The following MEAF6 variants were observed in gnomAD, a reference collection of about 807,000 sequenced individuals.
The protein encoded by MEAF6 is MYST/Esa1 associated factor 6.
MEAF6 carries 15 observed loss-of-function variants against 28.9 expected under a neutral mutation model. That is an observed-to-expected ratio of 0.52 (90% CI 0.35 to 0.80). MEAF6 has a LOEUF of 0.80. Ranked by LOEUF, MEAF6 falls within the 30% of genes least tolerant of loss-of-function variation. The probability of loss-of-function intolerance (pLI) is 0.01; values close to 1 mark genes in which losing one functional copy is unlikely to be tolerated. For missense variants in MEAF6, 178 were observed against 237.5 expected (o/e 0.75, Z 1.65); for synonymous variants, 97 against 88.7 (o/e 1.09, Z -0.53).
chr1:37,500,746 C>G (rs1311463381), intron 5 of MEAF6, among the ~76,000 whole-genome samples: 1 of 152,166 alleles, frequency 6.6e-6, no homozygotes, highest in Non-Finnish European at 1.5e-5. Flanking sequence ...ATGAAGCTAA[C>G]AAGTTTAATA....
In MEAF6 at chr1:37,490,137, GC is replaced by G. The variant is rs1641878532; in HGVS notation, c.*3961del. On this transcript the variant is annotated 3_prime_UTR_variant, in exon 7 of 7. Transcript: ENST00000296214. ...GCCTCAAAATGAATATAAATCAAAG[GC>G]CTAATCTTTTCTTCCCACCCCCACC... Among the ~76,000 whole-genome samples the G allele has an allele frequency of 6.6e-6, 1 of 151,768 alleles. No homozygotes were observed. Among genetic ancestry groups the G allele is most frequent in the African/African-American group, 2.4e-5 (1 of 41,260 alleles).
In MEAF6 at chr1:37,495,900, G is replaced by C; in HGVS notation, c.552C>G (p.Asn184Lys). 6.2e-7 allele frequency: 1 copy of C among 1,613,814 alleles called. No individual in the cohort carries two copies. Among genetic ancestry groups the C allele is most frequent in the Non-Finnish European group, 8.5e-7 (1 of 1,179,878 alleles). The change falls in exon 6 of 7, where the codon AAC becomes AAG. Residue 184 changes from asparagine (N) to lysine (K), a missense_variant. Coordinates refer to ENST00000296214, the MANE Select transcript of MEAF6 (RefSeq NM_001270875.3). ...KNRHRIDLKL[N>K]KKPRADY is the part of the protein sequence containing the mutation. ...TGATACTTACAGCTCGTGGTTTTTT[G>C]TTTAACTTCAGATCAATCCTGTGAC...
chr1:37,500,291 T>TG (rs1334674367), intron 5 of MEAF6, among the ~76,000 whole-genome samples: 8 of 151,810 alleles, frequency 5.3e-5, no homozygotes, highest in Non-Finnish European at 1.2e-4. Flanking sequence ...CAAGACTGTC[T>TG]GAAAAAAATA....
chr1:37,510,381 A>AG (rs1642628947), intron 2 of MEAF6, among the ~76,000 whole-genome samples: 1 of 95,014 alleles, frequency 1.1e-5, no homozygotes, highest in Non-Finnish European at 1.9e-5. Context: ...GCACCTAGCC[A>AG]TTTTTTTTTT....
rs1052321585 is a variant in MEAF6 at position 37,493,477 on chromosome 1, C to T, written c.*622G>A. ...ACTAAACACTCTTTACCTCCCCTTG[C>T]AAAAAACAGAGGCAAGTTTCCCATT... On this transcript the variant is annotated 3_prime_UTR_variant, in exon 7 of 7. Coordinates refer to ENST00000296214, the MANE Select transcript of MEAF6 (RefSeq NM_001270875.3). 1 of 427,518 alleles carries T rather than the reference C, an allele frequency of 2.3e-6. No homozygotes were observed. Among genetic ancestry groups the T allele is most frequent in the African/African-American group, 2.1e-5 (1 of 48,422 alleles). 26.5% of individuals were successfully genotyped at this position (427,518 alleles called of 1,614,324 possible). A position where few individuals can be genotyped will look rare whatever the true frequency, so the allele number is the denominator to read the frequency against.
At chr1:37,500,260 A>C (rs1164654855) in intron 5 of MEAF6, among the ~76,000 whole-genome samples, 1 of 151,128 alleles carries the variant, frequency 6.6e-6, no homozygotes, top group Admixed American at 6.7e-5. Context: ...GTGCCACTGC[A>C]CTCCAGCCTG....
In MEAF6 at chr1:37,494,123, C is replaced by G. The variant is rs771802768; in HGVS notation, c.568-16G>C. The G allele has an allele frequency of 1.9e-6, 3 of 1,599,388 alleles. No individual in the cohort carries two copies. The Admixed American group carries it at 5.1e-5, about 27-fold the overall frequency. ...TCTAATAGTCCTAAAGAAAGAAAAA[C>G]AAAAGTCCCAACTTACTCTCGGCAG... On this transcript the variant is annotated splice_polypyrimidine_tract_variant and intron_variant, in intron 6 of 6. Transcript: ENST00000296214.
intron 2 of MEAF6, among the ~76,000 whole-genome samples, chr1:37,509,879 C>T (rs1429232380): frequency 1.3e-5 from 2 of 152,078 alleles, no homozygotes; most frequent in African/African-American, 2.4e-5. Flanking sequence ...TGGGTTGAAG[C>T]GATTCTCCTG....
At position 37,495,103 on chromosome 1, in the gene MEAF6, G is replaced by C. The variant is rs184235023; in HGVS notation, c.567+782C>G. Among the ~76,000 whole-genome samples, 33 of 152,132 alleles carry C rather than the reference G, an allele frequency of 2.2e-4. No homozygotes were observed. The East Asian group carries it at 5.6e-3, about 26-fold the overall frequency. The stretch of plus-strand genomic sequence containing the variant: ...TAATCCCAGCACTTTGGGAGGCTGA[G>C]GCGGGTGGATCACGAGGTCAGGAGT... On this transcript the variant is annotated intron_variant, in intron 6 of 6. Coordinates refer to ENST00000296214, the MANE Select transcript of MEAF6 (RefSeq NM_001270875.3).
chr1:37,511,086 C>G (rs1420506478), intron 2 of MEAF6, among the ~76,000 whole-genome samples: 1 of 152,214 alleles, frequency 6.6e-6, no homozygotes, highest in African/African-American at 2.4e-5. Context: ...TGAAGTGTCT[C>G]TTAAATAAAC....
intron 5 of MEAF6, chr1:37,496,534 A>G (rs1295176934): frequency 2.9e-6 from 4 of 1,370,566 alleles, no homozygotes; most frequent in Non-Finnish European, 3.8e-6. Context: ...TAAGTTATTA[A>G]ATAAAATGTT....
chr1:37,509,421 G>C, intron 3 of MEAF6, 34 bp downstream of exon 3: 1 of 1,609,792 alleles, frequency 6.2e-7, no homozygotes, highest in East Asian at 2.2e-5. Flanking sequence ...CCAACAACAG[G>C]CCAAAGAAAG....
At chr1:37,496,112 AT>A (rs1329016225) in intron 5 of MEAF6, among the ~76,000 whole-genome samples, 194 bp from the exon 6 acceptor site, 1 of 152,236 alleles carries the variant, frequency 6.6e-6, no homozygotes, top group African/African-American at 2.4e-5. Context: ...ATGAGCACAC[AT>A]TTTTGCCCTA....
chr1:37,501,614 C>T (rs1448897798), intron 5 of MEAF6, 190 bp downstream of exon 5: 1 of 474,796 alleles, frequency 2.1e-6, no homozygotes, highest in Non-Finnish European at 3.7e-6. Flanking sequence ...CTGGAGTCTT[C>T]CTTGAGGGTT....
intron 5 of MEAF6, among the ~76,000 whole-genome samples, chr1:37,500,098 G>T (rs1557606193): frequency 6.6e-6 from 1 of 152,178 alleles, no homozygotes; most frequent in Admixed American, 6.5e-5. Context: ...CCTGAGGCCA[G>T]TAGTTCACAC....
chr1:37,514,381 C>A (rs1400999993), intron 1 of MEAF6: 2 of 217,584 alleles, frequency 9.2e-6, no homozygotes, highest in Non-Finnish European at 9.0e-6. Flanking sequence ...TCTCCCCGGG[C>A]CCCGGCACCG....
At position 37,495,697 on chromosome 1, in the gene MEAF6, C is replaced by CAACAAAAAA. The variant is rs1642101872; in HGVS notation, c.567+187_567+188insTTTTTTGTT. Among the ~76,000 whole-genome samples, 3 of 92,676 alleles carry CAACAAAAAA rather than the reference C, an allele frequency of 3.2e-5. No homozygotes were observed. In the Admixed American group the frequency reaches 3.4e-4, roughly 10 times the overall value. The allele number at this position is 92,676 out of a possible 152,430, so 60.8% of individuals were successfully genotyped here. ...GAAACTGTCTCTCAAAAAAAAAAAACAAAAAACAAAAAAAAAAAAAAACAA... is the reference window on the plus strand; with the variant it reads ...GAAACTGTCTCTCAAAAAAAAAAAACAACAAAAAAAAAAAACAAAAAAAAAAAAAAACAA... On this transcript the variant is annotated intron_variant, in intron 6 of 6. Transcript: ENST00000296214.
chr1:37,502,696 C>G (rs1642354988), intron 4 of MEAF6, among the ~76,000 whole-genome samples: 1 of 149,064 alleles, frequency 6.7e-6, no homozygotes, highest in African/African-American at 2.5e-5. Flanking sequence ...CTGTTCACAG[C>G]AGCCTTCAGT....
At chr1:37,495,840 C>G in intron 6 of MEAF6, 45 bp downstream of exon 6, 1 of 1,605,140 alleles carries the variant, frequency 6.2e-7, no homozygotes, top group Non-Finnish European at 8.5e-7. Flanking sequence ...TTCTAATCAT[C>G]TACAAAATTG....
Sources: gnomAD v4.1 joint callset for allele counts (sites outside exome capture counted in the v4.1 genomes callset) on GRCh38, gnomAD v4.1.1 for gene constraint, MANE v1.5 for transcripts, NCBI Gene and HGNC (gene_info 2026-07-23, HGNC 2026-07-21) for gene names.